Variants in CDC45 observed in about 807,000 individuals in gnomAD.
CDC45 encodes cell division cycle 45.
A neutral mutation model predicts 77.8 loss-of-function variants in CDC45; 54 were observed. The ratio of observed to expected loss-of-function variants is 0.69; its 90% CI spans 0.56 to 0.87. CDC45 has a LOEUF of 0.87. Among genes scored for constraint, CDC45 ranks in the 40% least tolerant of loss-of-function variants. The probability of loss-of-function intolerance (pLI) is 0.00; values close to 1 mark genes in which losing one functional copy is unlikely to be tolerated. For missense variants in CDC45, 649 were observed against 721.6 expected (o/e 0.90, Z 1.15); for synonymous variants, 260 against 272.1 (o/e 0.96, Z 0.44).
At chr22:19,514,079 A>C (rs1008232618) in intron 13 of CDC45, among the ~76,000 whole-genome samples, 6 of 152,210 alleles carry the variant, frequency 3.9e-5, no homozygotes, top group African/African-American at 1.4e-4. Context: ...TACTAATTAG[A>C]GTTCAGTTTA....
upstream of CDC45, chr22:19,479,844 A>G: frequency 1.1e-6 from 1 of 936,422 alleles, no homozygotes; most frequent in Admixed American, 1.8e-5. Context: ...GAAGGCTGGG[A>G]ACTAAGAAGC....
chr22:19,488,501 A>G (rs2090107264), intron 5 of CDC45, among the ~76,000 whole-genome samples: 1 of 152,220 alleles, frequency 6.6e-6, no homozygotes, highest in South Asian at 2.1e-4. Flanking sequence ...TCCAGCATGA[A>G]TATTCCAGTC....
At chr22:19,510,885 C>A (rs992922306) in intron 13 of CDC45, among the ~76,000 whole-genome samples, 2 of 152,116 alleles carry the variant, frequency 1.3e-5, no homozygotes, top group African/African-American at 4.8e-5. Context: ...TTCATTTATC[C>A]ATTCATAAGT....
At chr22:19,518,435 G>A (rs541226158) in intron 17 of CDC45, among the ~76,000 whole-genome samples, 3 of 152,316 alleles carry the variant, frequency 2.0e-5, no homozygotes, top group South Asian at 2.1e-4. Flanking sequence ...CCCCTTGTGC[G>A]GAAGAGAACA....
At chr22:19,485,480 G>A (rs919745735) in intron 5 of CDC45, among the ~76,000 whole-genome samples, 3 of 152,192 alleles carry the variant, frequency 2.0e-5, no homozygotes, top group African/African-American at 4.8e-5. Context: ...AGACACTGCA[G>A]CTCTGAGGTG....
intron 16 of CDC45, 67 bp from the exon 17 acceptor site, chr22:19,516,750 T>TG: frequency 2.5e-6 from 2 of 805,396 alleles, no homozygotes; most frequent in South Asian, 2.6e-5. Context: ...GTGTCTGTCC[T>TG]GGGGCGGGGG....
At position 19,519,320 on chromosome 22, in the gene CDC45, G is replaced by A. The variant is rs1190695485; in HGVS notation, c.*1+411G>A. Among the ~76,000 whole-genome samples, 3 of 152,200 alleles carry A rather than the reference G, an allele frequency of 2.0e-5. No individual in the cohort carries two copies. The East Asian group carries it at 5.8e-4, about 29-fold the overall frequency. ...GCAGAGCAGCCATCCGGGCTTTTGT[G>A]TGCTTGGCTCATGAGAAAGCAAAGC... is the stretch of plus-strand genomic sequence containing the variant. On this transcript the variant is annotated intron_variant, in intron 18 of 18. Transcript: ENST00000263201.
chr22:19,507,772 C>G lies in CDC45; in HGVS notation c.963C>G (p.Pro321=). The change falls in exon 12 of 19, where the codon CCC becomes CCG. Residue 321 remains proline (P), a synonymous_variant. Transcript: ENST00000263201. ...TTGGGCTTGCTCTTTCCAGTCTTCC[C>G]CTGAAGCAGGTGAAGCAGAAGTTCC... ...LQEFLADMGL[P]LKQVKQKFQA... 1.3e-6 allele frequency: 2 copies of G among 1,596,748 alleles called. No individual in the cohort carries two copies. Among genetic ancestry groups the G allele is most frequent in the Non-Finnish European group, 1.7e-6 (2 of 1,172,926 alleles).
intron 8 of CDC45, among the ~76,000 whole-genome samples, chr22:19,498,537 GC>G (rs2146381166): frequency 6.6e-6 from 1 of 152,346 alleles, no homozygotes; most frequent in Admixed American, 6.5e-5. Flanking sequence ...TAAAAGATGA[GC>G]CTGAAGATGG....
upstream of CDC45, chr22:19,479,779 C>A (rs1787883067): frequency 3.0e-6 from 2 of 663,888 alleles, no homozygotes; most frequent in Admixed American, 2.5e-5. Context: ...GTTTTCTGGC[C>A]GTGAATGGCA....
intron 13 of CDC45, among the ~76,000 whole-genome samples, chr22:19,512,306 G>A (rs79114187): frequency 0.048 from 7,241 of 152,238 alleles, 277 homozygotes; most frequent in East Asian, 0.13. Flanking sequence ...AGTTTGGGCC[G>A]CTGCTCTCCA....
At chr22:19,481,101 A>C in intron 3 of CDC45, 56 bp downstream of exon 3, 1 of 1,089,346 alleles carries the variant, frequency 9.2e-7, no homozygotes, top group Non-Finnish European at 1.4e-6. Flanking sequence ...TAATTTCTTG[A>C]CACAGCATTC....
upstream of CDC45, chr22:19,479,886 G>T: frequency 7.3e-7 from 1 of 1,379,094 alleles, no homozygotes; most frequent in Non-Finnish European, 1.0e-6. Context: ...CCAATCGGAG[G>T]AGCCGTGATT....
intron 9 of CDC45, among the ~76,000 whole-genome samples, chr22:19,500,561 G>T (rs909681106): frequency 6.6e-6 from 1 of 151,986 alleles, no homozygotes; most frequent in Non-Finnish European, 1.5e-5. Flanking sequence ...TATTTCTTTG[G>T]GTCCCACATA....
chr22:19,519,900 G>T (rs890734058), intron 18 of CDC45, among the ~76,000 whole-genome samples: 3 of 152,140 alleles, frequency 2.0e-5, no homozygotes, highest in Admixed American at 1.3e-4. Flanking sequence ...AGTTCTGTAG[G>T]GTCATCAGCA....
intron 8 of CDC45, among the ~76,000 whole-genome samples, chr22:19,497,908 TTGTC>T (rs1384974632): frequency 6.6e-6 from 1 of 151,424 alleles, no homozygotes; most frequent in East Asian, 1.9e-4. Flanking sequence ...AAAAAAAAAA[TTGTC>T]TGGGCATGGT....
In CDC45 at chr22:19,515,023, A is replaced by G. The variant is rs1933705210; in HGVS notation, c.1415A>G (p.His472Arg). 1 of 1,612,406 alleles carries G rather than the reference A, an allele frequency of 6.2e-7. No homozygotes were observed. Among genetic ancestry groups the G allele is most frequent in the South Asian group, 1.1e-5 (1 of 90,920 alleles). ...RPASLSLLSK[H>R]LLKSFVCSTK... ...GCATCCCTAAGCCTGCTCAGCAAAC[A>G]CCTGCTCAAGTCCTTTGTGTGTTCG... Residue 472 changes from histidine (H) to arginine (R), a missense_variant, in exon 15 of 19, where the codon CAC becomes CGC. His to Arg is a conservative substitution (Grantham distance 29). Coordinates refer to ENST00000263201, the MANE Select transcript of CDC45 (RefSeq NM_003504.5).
At chr22:19,508,227 TGG>T (rs1933314428) in intron 12 of CDC45, among the ~76,000 whole-genome samples, 2 of 152,140 alleles carry the variant, frequency 1.3e-5, no homozygotes, top group African/African-American at 2.4e-5. Flanking sequence ...ACCAAGTCCA[TGG>T]GCACTCCTGG....
intron 9 of CDC45, among the ~76,000 whole-genome samples, chr22:19,501,999 G>A (rs1303104581): frequency 6.6e-6 from 1 of 152,150 alleles, no homozygotes; most frequent in Non-Finnish European, 1.5e-5. Context: ...TTACAGATGT[G>A]AGTTGCCACA....
Sources: gnomAD v4.1 joint callset for allele counts (sites outside exome capture counted in the v4.1 genomes callset) on GRCh38, gnomAD v4.1.1 for gene constraint, MANE v1.5 for transcripts, NCBI Gene and HGNC (gene_info 2026-07-23, HGNC 2026-07-21) for gene names.